Variants in RIMBP2 observed in about 807,000 individuals in gnomAD.
RIMBP2 encodes RIMS binding protein 2.
RIMBP2 carries 48 observed loss-of-function variants against 118.6 expected under a neutral mutation model. That is an observed-to-expected ratio of 0.40 (90% CI 0.32 to 0.51). The LOEUF (loss-of-function observed/expected upper bound fraction) is 0.51, where lower values mean the gene tolerates loss of function less well. Among genes scored for constraint, RIMBP2 ranks in the 20% least tolerant of loss-of-function variants. RIMBP2 has a pLI of 0.41. For synonymous variants in RIMBP2, 762 were observed against 742.9 expected, an observed-to-expected ratio of 1.03 and a Z score of -0.42; for missense variants, 1,551 against 1,768.3, an observed-to-expected ratio of 0.88 and a Z score of 2.20.
chr12:130,630,962 A>C (rs999323545), intron 1 of RIMBP2, among the ~76,000 whole-genome samples: 1 of 152,214 alleles, frequency 6.6e-6, no homozygotes, highest in African/African-American at 2.4e-5. Flanking sequence ...GGGGAAAAAA[A>C]AAAGATAAAA....
chr12:130,582,431 G>A (rs1325585755), intron 2 of RIMBP2, among the ~76,000 whole-genome samples: 1 of 152,196 alleles, frequency 6.6e-6, no homozygotes, highest in Admixed American at 6.5e-5. Context: ...GGCAGATAGT[G>A]TGTGATTCCA....
intron 1 of RIMBP2, among the ~76,000 whole-genome samples, chr12:130,715,041 G>A (rs1389931440): frequency 6.6e-6 from 1 of 152,184 alleles, no homozygotes; most frequent in South Asian, 2.1e-4. Flanking sequence ...GCCTGCCGCA[G>A]GGCCCAGAGC....
In RIMBP2 at chr12:130,688,730, C is replaced by T. The variant is rs181496241; in HGVS notation, c.-352+27492G>A. 5.9e-5 allele frequency among the ~76,000 whole-genome samples: 9 copies of T among 152,346 alleles called. No individual in the cohort carries two copies. In the East Asian group the frequency reaches 1.7e-3, roughly 30 times the overall value. ...CATTCTAAAGACCCCAAAACAGAGG[C>T]CACATGGCCCCCTTGGGGCTCATAC... is the stretch of plus-strand genomic sequence containing the variant. On this transcript the variant is annotated intron_variant, in intron 1 of 22. Transcript: ENST00000690449. The surrounding 1 kb of genome is among the most constrained non-coding windows in gnomAD (Gnocchi z 4.7).
intron 2 of RIMBP2, among the ~76,000 whole-genome samples, chr12:130,552,424 A>C (rs1031060915): frequency 2.6e-5 from 4 of 152,264 alleles, no homozygotes; most frequent in African/African-American, 7.2e-5. Context: ...CAAGACAATT[A>C]TATAACTGCA....
chr12:130,467,009 A>G (rs1039342303), intron 6 of RIMBP2, among the ~76,000 whole-genome samples: 3 of 152,194 alleles, frequency 2.0e-5, no homozygotes, highest in Non-Finnish European at 2.9e-5. Flanking sequence ...TGAAACCACC[A>G]TTGCAAAATG....
chr12:130,692,023 T>C (rs529678506), intron 1 of RIMBP2, among the ~76,000 whole-genome samples: 3 of 152,214 alleles, frequency 2.0e-5, no homozygotes, highest in South Asian at 4.1e-4. Flanking sequence ...GCTGCCACGA[T>C]GAAAAAGGAG....
rs1202803610 is a variant in RIMBP2, at chr12:130,419,834, CA to C, written c.3238+2618del. 6.6e-5 allele frequency: 10 copies of C among 151,956 alleles called. No individual in the cohort carries two copies. The highest frequency in any genetic ancestry group is 2.4e-4 in the African/African-American group (10 of 41,378). 9.4% of individuals were successfully genotyped at this position (151,956 alleles called of 1,614,324 possible). A position where few individuals can be genotyped will look rare whatever the true frequency, so the allele number is the denominator to read the frequency against. On this transcript the variant is annotated intron_variant, in intron 17 of 22. Transcript: ENST00000690449. The surrounding 1 kb of genome is among the most constrained non-coding windows in gnomAD (Gnocchi z 4.3). The stretch of plus-strand genomic sequence containing the variant: ...TCAACAACTAGATAAATGCAAAGAC[CA>C]AAAGTTATAAAGGATAAAAATCAAA...
chr12:130,471,201 C>T lies in RIMBP2; in HGVS notation c.103-458G>A, dbSNP rs537006486. On this transcript the variant is annotated intron_variant, in intron 5 of 22. Coordinates refer to ENST00000690449, the MANE Select transcript of RIMBP2 (RefSeq NM_001393629.1). The stretch of plus-strand genomic sequence containing the variant: ...AGGCCTTGGCACCTGCAGCCTGTGG[C>T]AGGGCCGCCCTCTTCAAAGCACTGG... Among the ~76,000 whole-genome samples, 5 of 152,364 alleles carry T rather than the reference C, an allele frequency of 3.3e-5. No homozygotes were observed. In the South Asian group the frequency reaches 1.0e-3, roughly 32 times the overall value.
intron 9 of RIMBP2, among the ~76,000 whole-genome samples, chr12:130,448,666 T>C (rs944457124): frequency 2.0e-5 from 3 of 152,242 alleles, no homozygotes. Context: ...TGCGTCTGCA[T>C]GCAATAGCCT....
At chr12:130,609,188 G>A (rs375449459) in intron 2 of RIMBP2, among the ~76,000 whole-genome samples, 7 of 152,034 alleles carry the variant, frequency 4.6e-5, no homozygotes, top group Admixed American at 1.3e-4. Context: ...TGAGTCTGTC[G>A]CAAAGCTGTC....
In RIMBP2 at chr12:130,520,964, G is replaced by A. The variant is rs555155723; in HGVS notation, c.-216-3047C>T. Among the ~76,000 whole-genome samples the A allele has an allele frequency of 5.3e-5, 8 of 152,334 alleles. No individual in the cohort carries two copies. The East Asian group carries it at 1.2e-3, about 22-fold the overall frequency. ...GAAGCCCAGAGGTGGGCATGGGGAC[G>A]TGTGGTTCCACAAGCAGCTCAGCAG... On this transcript the variant is annotated intron_variant, in intron 2 of 22. Coordinates refer to ENST00000690449, the MANE Select transcript of RIMBP2 (RefSeq NM_001393629.1).
intron 6 of RIMBP2, among the ~76,000 whole-genome samples, chr12:130,460,529 G>A (rs1303268956): frequency 6.6e-6 from 1 of 152,126 alleles, no homozygotes; most frequent in African/African-American, 2.4e-5. Context: ...GTTGGTATTA[G>A]TATTAATAGC....
At chr12:130,516,999 G>A (rs1038622012) in intron 3 of RIMBP2, among the ~76,000 whole-genome samples, 1 of 152,146 alleles carries the variant, frequency 6.6e-6, no homozygotes, top group Admixed American at 6.5e-5. Flanking sequence ...ATGAGTGGTT[G>A]GTGCGCTCCA....
chr12:130,472,898 G>A (rs760444537), intron 5 of RIMBP2, among the ~76,000 whole-genome samples: 24 of 152,226 alleles, frequency 1.6e-4, no homozygotes, highest in East Asian at 1.9e-4. Flanking sequence ...CAGCTCAACC[G>A]TCGAAGGCCG....
At chr12:130,537,588 A>G (rs879516568) in intron 2 of RIMBP2, among the ~76,000 whole-genome samples, 9 of 152,226 alleles carry the variant, frequency 5.9e-5, no homozygotes, top group Non-Finnish European at 1.3e-4. Context: ...GGAAGGTTAA[A>G]ATAACCAGCC....
chr12:130,614,952 T>C (rs954580576), intron 2 of RIMBP2, among the ~76,000 whole-genome samples: 6 of 149,448 alleles, frequency 4.0e-5, no homozygotes, highest in Admixed American at 2.7e-4. Flanking sequence ...AACTTGTGTG[T>C]CTAGTCATCT....
intron 10 of RIMBP2, among the ~76,000 whole-genome samples, chr12:130,444,084 G>A (rs181898672): frequency 2.9e-4 from 44 of 152,354 alleles, no homozygotes; most frequent in Admixed American, 7.8e-4. Context: ...CATGTGTGGT[G>A]AGAAAGTTCC....
At position 130,716,290 on chromosome 12, in the gene RIMBP2, A is replaced by G. The variant is rs1309543696; in HGVS notation, c.-420T>C. On this transcript the variant is annotated 5_prime_UTR_variant, in exon 1 of 23. Transcript: ENST00000690449. ...AGACAACTGCAGTGTACTGTGTCAGATTACAAACTGGGGGCGAGACGGAGG... is the reference window on the plus strand; with the variant it reads ...AGACAACTGCAGTGTACTGTGTCAGGTTACAAACTGGGGGCGAGACGGAGG... 1 of 141,308 alleles carries G rather than the reference A, an allele frequency of 7.1e-6. No homozygotes were observed. The highest frequency in any genetic ancestry group is 1.5e-5 in the Non-Finnish European group (1 of 65,000). The allele number at this position is 141,308 out of a possible 1,614,324, so 8.8% of individuals were successfully genotyped here. A position where few individuals can be genotyped will look rare whatever the true frequency, so the allele number is the denominator to read the frequency against.
chr12:130,460,830 G>A (rs951446384), intron 6 of RIMBP2, among the ~76,000 whole-genome samples: 19 of 152,110 alleles, frequency 1.2e-4, no homozygotes, highest in African/African-American at 4.3e-4. Flanking sequence ...GGAGGCCCAC[G>A]GGCAGCAGTG....
Sources: allele counts gnomAD v4.1 joint callset (sites outside exome capture counted in the v4.1 genomes callset), GRCh38; gene constraint gnomAD v4.1.1; non-coding constraint Gnocchi (gnomAD v3.1); transcripts MANE v1.5; gene names NCBI Gene and HGNC (gene_info 2026-07-23, HGNC 2026-07-21).